CTNNA3: variants seen among roughly 807,000 people sequenced by gnomAD.
The protein encoded by CTNNA3 is catenin alpha 3.
Under a neutral mutation model 95.7 loss-of-function variants are expected in CTNNA3, and 76 were observed. The observed-to-expected ratio is 0.79, with a 90% CI of 0.66 to 0.96. The LOEUF (loss-of-function observed/expected upper bound fraction) is 0.96. Among genes scored for constraint, CTNNA3 ranks in the 40% least tolerant of loss-of-function variants. The pLI, the probability that CTNNA3 is intolerant of heterozygous loss-of-function variation, is 0.00. For missense variants in CTNNA3, 1,191 were observed against 1,089.8 expected, an observed-to-expected ratio of 1.09 and a Z score of -1.31; for synonymous variants, 431 against 374.4, an observed-to-expected ratio of 1.15 and a Z score of -1.74.
At chr10:66,853,207 G>A (rs1240330865) in intron 7 of CTNNA3, among the ~76,000 whole-genome samples, 3 of 151,968 alleles carry the variant, frequency 2.0e-5, no homozygotes, top group Admixed American at 6.6e-5. Flanking sequence ...TTTATCTATT[G>A]TCTATGGCTG....
chr10:65,984,438 A>G (rs763723745), intron 16 of CTNNA3, among the ~76,000 whole-genome samples: 32 of 151,406 alleles, frequency 2.1e-4, no homozygotes, highest in Non-Finnish European at 4.3e-4. Context: ...AAAGTAATTC[A>G]TCTGAAACTA....
At chr10:66,552,577 G>A (rs1842253165) in intron 10 of CTNNA3, among the ~76,000 whole-genome samples, 1 of 151,910 alleles carries the variant, frequency 6.6e-6, no homozygotes, top group Non-Finnish European at 1.5e-5. Flanking sequence ...ATGGTCTCTA[G>A]TGAGCTTACA....
intron 11 of CTNNA3, among the ~76,000 whole-genome samples, chr10:66,488,884 G>C (rs1028807282): frequency 6.6e-6 from 1 of 151,536 alleles, no homozygotes; most frequent in Non-Finnish European, 1.5e-5. Flanking sequence ...TTACATGCAA[G>C]GACATATGAT....
At chr10:66,562,065 T>C (rs1279067516) in intron 10 of CTNNA3, among the ~76,000 whole-genome samples, 1 of 152,002 alleles carries the variant, frequency 6.6e-6, no homozygotes, top group Admixed American at 6.6e-5. Flanking sequence ...AGTCAGAAAT[T>C]ACTATGAAAA....
At chr10:66,360,074 G>A (rs1564895249) in intron 12 of CTNNA3, among the ~76,000 whole-genome samples, 1 of 151,862 alleles carries the variant, frequency 6.6e-6, no homozygotes, top group Non-Finnish European at 1.5e-5. Flanking sequence ...TGATCCACCC[G>A]CCTTGGCCTC....
At chr10:66,891,866 A>C (rs1845281723) in intron 7 of CTNNA3, among the ~76,000 whole-genome samples, 1 of 152,158 alleles carries the variant, frequency 6.6e-6, no homozygotes, top group South Asian at 2.1e-4. Flanking sequence ...CTATTTTCTG[A>C]AATTTAACAA....
intron 15 of CTNNA3, among the ~76,000 whole-genome samples, chr10:66,053,879 T>C (rs897153568): frequency 2.6e-5 from 4 of 152,138 alleles, no homozygotes; most frequent in African/African-American, 9.6e-5. Flanking sequence ...CCCAACTATA[T>C]GTTTGTACCC....
intron 9 of CTNNA3, among the ~76,000 whole-genome samples, chr10:66,656,668 T>A (rs2132429767): frequency 6.6e-6 from 1 of 152,198 alleles, no homozygotes; most frequent in Non-Finnish European, 1.5e-5. Context: ...GGCAGATACA[T>A]GAAGCACTTG....
chr10:67,155,197 C>T (rs1044704328), intron 7 of CTNNA3, among the ~76,000 whole-genome samples: 1 of 152,034 alleles, frequency 6.6e-6, no homozygotes, highest in African/African-American at 2.4e-5. Flanking sequence ...ATGCCAGGTG[C>T]ATAACAGAAG....
chr10:66,778,698 C>T (rs905191489), intron 7 of CTNNA3, among the ~76,000 whole-genome samples: 3 of 151,994 alleles, frequency 2.0e-5, no homozygotes, highest in Admixed American at 6.6e-5. Flanking sequence ...AATTCTGGGC[C>T]GAGTGCGGTG....
intron 3 of CTNNA3, among the ~76,000 whole-genome samples, chr10:67,575,588 T>C (rs184290973): frequency 2.5e-4 from 38 of 152,296 alleles, no homozygotes; most frequent in African/African-American, 8.2e-4. Context: ...GGAATTCAAG[T>C]GATCACCTCA....
chr10:67,021,625 T>C (rs1455652635), intron 7 of CTNNA3, among the ~76,000 whole-genome samples: 1 of 152,114 alleles, frequency 6.6e-6, no homozygotes, highest in Non-Finnish European at 1.5e-5. Flanking sequence ...TGGAATAAAA[T>C]TGTATCTATA....
chr10:66,503,812 T>C (rs1037323384), intron 11 of CTNNA3, among the ~76,000 whole-genome samples: 3 of 152,112 alleles, frequency 2.0e-5, no homozygotes, highest in Non-Finnish European at 4.4e-5. Flanking sequence ...AAAGAGAAAA[T>C]TCACTATCTT....
chr10:65,939,919 G>A (rs1226274956), intron 17 of CTNNA3, among the ~76,000 whole-genome samples: 3 of 152,058 alleles, frequency 2.0e-5, no homozygotes, highest in African/African-American at 7.2e-5. Context: ...AGGATAATAT[G>A]AAATATCCTG....
intron 12 of CTNNA3, among the ~76,000 whole-genome samples, chr10:66,285,524 C>A (rs2132173613): frequency 6.6e-6 from 1 of 151,748 alleles, no homozygotes; most frequent in East Asian, 1.9e-4. Flanking sequence ...TCATGCTTTT[C>A]CTCACATCAT....
intron 12 of CTNNA3, among the ~76,000 whole-genome samples, chr10:66,360,816 CCTT>C: frequency 2.0e-5 from 1 of 50,276 alleles, no homozygotes. Context: ...TTCCTTCCTT[CCTT>C]TCTTTCTTTC....
At chr10:67,320,344 G>A (rs1207415450) in intron 5 of CTNNA3, among the ~76,000 whole-genome samples, 1 of 152,154 alleles carries the variant, frequency 6.6e-6, no homozygotes, top group Non-Finnish European at 1.5e-5. Flanking sequence ...TGAGGGAGGG[G>A]AGAGGAAGAA....
chr10:65,949,375 G>A (rs538543358), intron 17 of CTNNA3, among the ~76,000 whole-genome samples: 43 of 152,282 alleles, frequency 2.8e-4, no homozygotes, highest in African/African-American at 8.9e-4. Flanking sequence ...TGGGAGGATA[G>A]AGAATATATA....
intron 12 of CTNNA3, among the ~76,000 whole-genome samples, chr10:66,292,828 T>C (rs758844733): frequency 1.2e-4 from 19 of 152,124 alleles, no homozygotes; most frequent in Non-Finnish European, 2.6e-4. Context: ...ATAAGCAATT[T>C]TGTTATTTTT....
Sources: allele counts gnomAD v4.1 joint callset (sites outside exome capture counted in the v4.1 genomes callset), GRCh38; gene constraint gnomAD v4.1.1; transcripts MANE v1.5; gene names NCBI Gene and HGNC (gene_info 2026-07-23, HGNC 2026-07-21).